THSD7B: variants seen among roughly 807,000 people sequenced by gnomAD.
THSD7B encodes the protein thrombospondin type-1 domain-containing protein 7B.
In THSD7B, 138 loss-of-function variants were observed where a neutral mutation model predicts 213.6. The ratio of observed to expected loss-of-function variants is 0.65; its 90% confidence interval spans 0.56 to 0.74. The LOEUF (loss-of-function observed/expected upper bound fraction) is 0.74, where lower values mean the gene tolerates loss of function less well. Ranked by LOEUF, THSD7B falls within the 30% of genes least tolerant of loss-of-function variation. The pLI is 0.00. For synonymous variants in THSD7B, 742 were observed against 687.0 expected (o/e 1.08, Z -1.25); for missense variants, 1,931 against 1,991.5 (o/e 0.97, Z 0.58).
chr2:137,179,517 T>A, intron 7 of THSD7B, among the ~76,000 whole-genome samples: 1 of 151,594 alleles, frequency 6.6e-6, no homozygotes, highest in Admixed American at 6.6e-5. Flanking sequence ...GGAAAAGTAA[T>A]CAGAGGTTTA....
chr2:136,884,822 C>T (rs1001238036), intron 2 of THSD7B, among the ~76,000 whole-genome samples: 4 of 152,034 alleles, frequency 2.6e-5, no homozygotes, highest in African/African-American at 9.7e-5. Flanking sequence ...TTTATCTTCT[C>T]TTCCTCTATT....
intron 4 of THSD7B, among the ~76,000 whole-genome samples, chr2:137,111,516 C>G (rs903057341): frequency 6.6e-6 from 1 of 152,136 alleles, no homozygotes; most frequent in Non-Finnish European, 1.5e-5. Context: ...GAGTTACTTA[C>G]TCTTTATGCC....
chr2:137,360,701 C>T (rs1185506331), intron 12 of THSD7B, among the ~76,000 whole-genome samples: 1 of 152,136 alleles, frequency 6.6e-6, no homozygotes, highest in Non-Finnish European at 1.5e-5. Context: ...ACAAAGTGGC[C>T]TGGAATCTCG....
chr2:137,665,531 G>A (rs1263166417), intron 26 of THSD7B, among the ~76,000 whole-genome samples: 2 of 151,810 alleles, frequency 1.3e-5, no homozygotes, highest in Non-Finnish European at 2.9e-5. Context: ...ACTTTCATTA[G>A]GTTCTCATGG....
At chr2:137,574,809 A>G (rs1344733852) in intron 17 of THSD7B, among the ~76,000 whole-genome samples, 1 of 152,148 alleles carries the variant, frequency 6.6e-6, no homozygotes, top group Non-Finnish European at 1.5e-5. Flanking sequence ...GTATTGGACA[A>G]TGATAATGAG....
intron 2 of THSD7B, among the ~76,000 whole-genome samples, chr2:137,018,750 C>G (rs1338787097): frequency 6.6e-6 from 1 of 152,116 alleles, no homozygotes; most frequent in Admixed American, 6.6e-5. Context: ...GTAATCTAAT[C>G]ATTAATATTT....
chr2:136,949,990 A>T (rs1457210284), intron 2 of THSD7B, among the ~76,000 whole-genome samples: 1 of 152,250 alleles, frequency 6.6e-6, no homozygotes, highest in Non-Finnish European at 1.5e-5. Flanking sequence ...CGGGCGCAAC[A>T]CGCCTGTAAT....
intron 3 of THSD7B, among the ~76,000 whole-genome samples, chr2:137,082,973 G>A (rs1226162390): frequency 1.3e-5 from 2 of 151,998 alleles, no homozygotes; most frequent in Non-Finnish European, 1.5e-5. Context: ...CTCTATATCT[G>A]TAGAACAATC....
chr2:137,516,675 G>C (rs1283432578), intron 15 of THSD7B, among the ~76,000 whole-genome samples: 1 of 151,732 alleles, frequency 6.6e-6, no homozygotes, highest in African/African-American at 2.4e-5. Flanking sequence ...GACTCATTCT[G>C]TGGTCATTTT....
chr2:137,676,721 C>A lies in THSD7B; in HGVS notation c.*116C>A. 1 of 824,556 alleles carries A rather than the reference C, an allele frequency of 1.2e-6. No individual in the cohort carries two copies. The highest frequency in any genetic ancestry group is 1.7e-6 in the Non-Finnish European group (1 of 574,222). The allele number at this position is 824,556 out of a possible 1,614,324, so 51.1% of individuals were successfully genotyped here. A position where few individuals can be genotyped will look rare whatever the true frequency, so the allele number is the denominator to read the frequency against. On this transcript the variant is annotated 3_prime_UTR_variant, in exon 28 of 28. Transcript: ENST00000409968. ...AAGATGTGATATATTGGGCAGAATA[C>A]AAATATTGCAAAAGTAATATTGCCT... is the stretch of plus-strand genomic sequence containing the variant.
intron 17 of THSD7B, among the ~76,000 whole-genome samples, chr2:137,608,676 A>T (rs1486727732): frequency 6.6e-6 from 1 of 152,252 alleles, no homozygotes; most frequent in African/African-American, 2.4e-5. Context: ...TGGGAATAGC[A>T]TAGCACCCAG....
chr2:137,393,422 G>T (rs1433625091), intron 12 of THSD7B, among the ~76,000 whole-genome samples: 1 of 146,736 alleles, frequency 6.8e-6, no homozygotes, highest in African/African-American at 2.5e-5. Context: ...TTGGTTTTTT[G>T]TTCTTACGAT....
At chr2:137,147,730 G>C (rs987494070) in intron 5 of THSD7B, among the ~76,000 whole-genome samples, 2 of 151,988 alleles carry the variant, frequency 1.3e-5, no homozygotes, top group African/African-American at 4.8e-5. Flanking sequence ...GATTCACCCC[G>C]TGGGCTAAAA....
chr2:136,993,874 CAAAG>C (rs899269205), intron 2 of THSD7B, among the ~76,000 whole-genome samples: 49 of 152,198 alleles, frequency 3.2e-4, no homozygotes, highest in African/African-American at 1.1e-3. Flanking sequence ...GAAGGGGAGA[CAAAG>C]AATCACCTGA....
intron 17 of THSD7B, among the ~76,000 whole-genome samples, chr2:137,586,956 G>A (rs988726587): frequency 2.6e-5 from 4 of 152,300 alleles, no homozygotes; most frequent in Admixed American, 1.3e-4. Context: ...CATTCTCCCT[G>A]TCACTTTCAG....
At chr2:136,877,953 G>T (rs901133067) in intron 1 of THSD7B, among the ~76,000 whole-genome samples, 1 of 151,818 alleles carries the variant, frequency 6.6e-6, no homozygotes, top group Non-Finnish European at 1.5e-5. Flanking sequence ...TAAGTTTTAG[G>T]GTACATGTGC....
intron 27 of THSD7B, 86 bp downstream of exon 27, chr2:137,667,947 C>T (rs1028279910): frequency 1.0e-5 from 11 of 1,083,602 alleles, no homozygotes; most frequent in Non-Finnish European, 1.4e-5. Flanking sequence ...GGATCATTGC[C>T]CATTATAACA....
rs187207932 is a variant in THSD7B at position 137,465,030 on chromosome 2, G to A, written c.3138+14007G>A. ...AGCAAATCTGGGTGTAGAGCCCAAAGCATGTTCCAATTTAGGAGAGAGAAA... is the reference window on the plus strand; with the variant it reads ...AGCAAATCTGGGTGTAGAGCCCAAAACATGTTCCAATTTAGGAGAGAGAAA... On this transcript the variant is annotated intron_variant, in intron 15 of 27. Transcript: ENST00000409968. 5.9e-5 allele frequency among the ~76,000 whole-genome samples: 9 copies of A among 152,148 alleles called. 1 individual carries two copies. The East Asian group carries it at 1.7e-3, about 29-fold the overall frequency.
chr2:137,595,351 T>C (rs555606271), intron 17 of THSD7B, among the ~76,000 whole-genome samples: 2 of 152,112 alleles, frequency 1.3e-5, no homozygotes, highest in Non-Finnish European at 1.5e-5. Context: ...TTGGCAGTAA[T>C]ATGGGTAACT....
Sources: gnomAD v4.1 joint callset for allele counts (sites outside exome capture counted in the v4.1 genomes callset) on GRCh38, gnomAD v4.1.1 for gene constraint, MANE v1.5 for transcripts, NCBI Gene and HGNC (gene_info 2026-07-23, HGNC 2026-07-21) for gene names.